Variants in TWF2 observed in about 807,000 individuals in gnomAD.
The protein encoded by TWF2 is twinfilin-2.
TWF2 carries 15 observed loss-of-function variants against 45.1 expected under a neutral mutation model. The observed-to-expected ratio is 0.33, with a 90% confidence interval of 0.22 to 0.51. The LOEUF is 0.51. TWF2 is among the 20% of genes least tolerant of loss of function. The probability of loss-of-function intolerance (pLI) is 0.97; values close to 1 mark genes in which losing one functional copy is unlikely to be tolerated. For missense variants in TWF2, 423 were observed against 469.1 expected (o/e 0.90, Z 0.91); for synonymous variants, 177 against 195.8 (o/e 0.90, Z 0.80).
At chr3:52,236,211 A>G (rs755213499) in intron 1 of TWF2, among the ~76,000 whole-genome samples, 54 of 152,012 alleles carry the variant, frequency 3.6e-4, no homozygotes, top group Admixed American at 3.1e-3. Context: ...TGAGGCAGGA[A>G]AATCGCTTGA....
intron 3 of TWF2, 76 bp downstream of exon 3, chr3:52,231,868 G>A (rs569622729): frequency 3.9e-6 from 6 of 1,552,640 alleles, no homozygotes; most frequent in South Asian, 2.5e-5. Context: ...TCCCCTCTTG[G>A]ATCCCCCAGG....
chr3:52,230,728 T>C (rs958903047), intron 6 of TWF2, 142 bp downstream of exon 6: 15 of 1,302,836 alleles, frequency 1.2e-5, no homozygotes, highest in African/African-American at 1.5e-5. Context: ...GGGTGGACCA[T>C]GTGTTCCCAC....
intron 2 of TWF2, among the ~76,000 whole-genome samples, chr3:52,234,056 A>C (rs1699703988): frequency 6.6e-6 from 1 of 152,126 alleles, no homozygotes; most frequent in Non-Finnish European, 1.5e-5. Context: ...GCCATCACTA[A>C]TATTCTGCCA....
At chr3:52,229,257 C>T (rs1420485879) in intron 8 of TWF2, 56 bp from the exon 9 acceptor site, 2 of 1,585,926 alleles carry the variant, frequency 1.3e-6, no homozygotes, top group South Asian at 1.1e-5. Flanking sequence ...CACACACCAC[C>T]CCTGGTAGCC....
Position 52,231,421 on chromosome 3 carries a change from G to A in TWF2, c.378+23C>T, listed in dbSNP as rs368534182. 5.4e-5 allele frequency: 87 copies of A among 1,610,158 alleles called. No homozygotes were observed. In the South Asian group the frequency reaches 8.6e-4, roughly 16 times the overall value. On this transcript the variant is annotated intron_variant, in intron 4 of 8. Transcript: ENST00000305533. ...CTCTGTGGGCCCAGGATTGTGTCCC[G>A]GTAAGTCCTGGCTTAGGATTACCTT... is the stretch of plus-strand genomic sequence containing the variant.
At chr3:52,230,749 A>G (rs1699669899) in intron 6 of TWF2, 121 bp downstream of exon 6, 1 of 1,419,666 alleles carries the variant, frequency 7.0e-7, no homozygotes, top group African/African-American at 1.4e-5. Flanking sequence ...AAGCACATGG[A>G]CGAGCTGAAG....
At position 52,239,141 on chromosome 3, in the gene TWF2, G is replaced by C. The variant is rs2107307352; in HGVS notation, c.-125C>G. The C allele has an allele frequency of 7.7e-6, 10 of 1,292,220 alleles. No individual in the cohort carries two copies. The highest frequency in any genetic ancestry group is 2.8e-4 in the Middle Eastern group (1 of 3,556). 80.0% of individuals were successfully genotyped at this position (1,292,220 alleles called of 1,614,324 possible). On this transcript the variant is annotated 5_prime_UTR_variant, in exon 1 of 9. Coordinates refer to ENST00000305533, the MANE Select transcript of TWF2 (RefSeq NM_007284.4). ...CTGTCGACCCTCGCGCAGCTTCCCG[G>C]GCGGTGCCGCAGGACCCGCCCCCAG...
At chr3:52,234,927 T>A (rs1022814816) in intron 2 of TWF2, 102 bp downstream of exon 2, 73 of 1,348,690 alleles carry the variant, frequency 5.4e-5, no homozygotes, top group Middle Eastern at 2.5e-4. Flanking sequence ...AGTGGGAAAT[T>A]GAGGTCCCGG....
chr3:52,229,100 G>A lies in TWF2; in HGVS notation c.984C>T (p.Gly328=). The change falls in exon 9 of 9, where the codon GGC becomes GGT. Residue 328 remains glycine (G), a synonymous_variant. Transcript: ENST00000305533. ...GCTTATGGCCCCGCTTGCCCCCTGG[G>A]CCCTTGGGCTTGGCGAAGGCCTGCT... ...AFKQAFAKPK[G]PGGKRGHKRL... The A allele has an allele frequency of 1.9e-6, 3 of 1,613,450 alleles. No homozygotes were observed. The highest frequency in any genetic ancestry group is 2.5e-6 in the Non-Finnish European group (3 of 1,180,038).
chr3:52,233,913 C>CA (rs5848945), intron 2 of TWF2, among the ~76,000 whole-genome samples: 22,987 of 73,932 alleles, frequency 0.31, 3,492 homozygotes, highest in East Asian at 0.42. Context: ...AACTCCGTCT[C>CA]AAAAAAAAAA....
Position 52,235,113 on chromosome 3 carries a change from G to A in TWF2, c.26-7C>T. The A allele has an allele frequency of 1.2e-6, 2 of 1,613,770 alleles. No individual in the cohort carries two copies. Among genetic ancestry groups the A allele is most frequent in the Non-Finnish European group, 1.7e-6 (2 of 1,179,988 alleles). On this transcript the variant is annotated splice_region_variant and splice_polypyrimidine_tract_variant and intron_variant, in intron 1 of 8. Coordinates refer to ENST00000305533, the MANE Select transcript of TWF2 (RefSeq NM_007284.4). ...TCCTTCAGCTCTTCCGTGGCTATAA[G>A]AACAAGAAACATGGTGGGGGATGAG...
chr3:52,231,007 G>A lies in TWF2; in HGVS notation c.484-12C>T, dbSNP rs1301551479. ...ATCTCTGTCTTCACCTGTGGGTAGG[G>A]GAATGGTGAGGGAGGCCCTCACCGG... On this transcript the variant is annotated splice_polypyrimidine_tract_variant and intron_variant, in intron 5 of 8. Coordinates refer to ENST00000305533, the MANE Select transcript of TWF2 (RefSeq NM_007284.4). 1 of 1,609,036 alleles carries A rather than the reference G, an allele frequency of 6.2e-7. No homozygotes were observed. Among genetic ancestry groups the A allele is most frequent in the Non-Finnish European group, 8.5e-7 (1 of 1,177,654 alleles).
In TWF2 at chr3:52,231,930, G is replaced by A. The variant is rs774010051; in HGVS notation, c.282+14C>T. ...CCAGCTCCCCTCCTCACTTCCCACT[G>A]GCCCAGGACTCACGGGGGAGTTATC... On this transcript the variant is annotated intron_variant, in intron 3 of 8. Transcript: ENST00000305533. 3 of 1,607,710 alleles carry A rather than the reference G, an allele frequency of 1.9e-6. No individual in the cohort carries two copies. Among genetic ancestry groups the A allele is most frequent in the Non-Finnish European group, 2.6e-6 (3 of 1,176,348 alleles).
At chr3:52,235,362 C>T (rs1011101037) in intron 1 of TWF2, among the ~76,000 whole-genome samples, 6 of 152,198 alleles carry the variant, frequency 3.9e-5, no homozygotes, top group Non-Finnish European at 5.9e-5. Flanking sequence ...GACAACCCAC[C>T]AGAAGATGGG....
At position 52,229,120 on chromosome 3, in the gene TWF2, C is replaced by G. The variant is rs775804839; in HGVS notation, c.964G>C (p.Ala322Pro). ...VHPKQHAFKQ[A>P]FAKPKGPGGK... ...CCTGGGCCCTTGGGCTTGGCGAAGG[C>G]CTGCTTGAAGGCGTGTTGCTTGGGG... is the stretch of plus-strand genomic sequence containing the variant. The change falls in exon 9 of 9, where the codon GCC becomes CCC. Residue 322 changes from alanine to proline, a missense_variant. Coordinates refer to ENST00000305533, the MANE Select transcript of TWF2 (RefSeq NM_007284.4). 1 of 1,613,634 alleles carries G rather than the reference C, an allele frequency of 6.2e-7. No individual in the cohort carries two copies. Among genetic ancestry groups the G allele is most frequent in the South Asian group, 1.1e-5 (1 of 91,070 alleles).
rs1294977897 is a variant in TWF2 at position 52,230,850 on chromosome 3, G to C, written c.609+20C>G. ...TAGGGGTGGTGGCAGCATGTGCCAG[G>C]GTAGGGAGCAGGCACCCACCATCTG... On this transcript the variant is annotated intron_variant, in intron 6 of 8. Coordinates refer to ENST00000305533, the MANE Select transcript of TWF2 (RefSeq NM_007284.4). The C allele has an allele frequency of 6.2e-7, 1 of 1,608,758 alleles. No homozygotes were observed. Among genetic ancestry groups the C allele is most frequent in the Non-Finnish European group, 8.5e-7 (1 of 1,177,490 alleles).
chr3:52,237,085 G>A (rs112874880), intron 1 of TWF2, among the ~76,000 whole-genome samples: 2 of 152,240 alleles, frequency 1.3e-5, no homozygotes, highest in African/African-American at 4.8e-5. Context: ...GTGCTGAGCT[G>A]CCCCTTCTAC....
chr3:52,231,412 T>C (rs763905590), intron 4 of TWF2, 32 bp downstream of exon 4: 2 of 1,608,952 alleles, frequency 1.2e-6, no homozygotes, highest in Non-Finnish European at 8.5e-7. Context: ...GGGCCCAGGA[T>C]TGTGTCCCGG....
chr3:52,236,435 G>C (rs891625866), intron 1 of TWF2, among the ~76,000 whole-genome samples: 1 of 152,162 alleles, frequency 6.6e-6, no homozygotes. Context: ...ATAAGTGGTG[G>C]ATCTACTAGT....
Sources: gnomAD v4.1 joint callset for allele counts (sites outside exome capture counted in the v4.1 genomes callset) on GRCh38, gnomAD v4.1.1 for gene constraint, MANE v1.5 for transcripts, NCBI Gene and HGNC (gene_info 2026-07-23, HGNC 2026-07-21) for gene names.